The following WWOX variants were observed in gnomAD, a reference collection of about 807,000 sequenced individuals.
WWOX encodes WW domain containing oxidoreductase, also known as WW domain-containing oxidoreductase.
A neutral mutation model predicts 46.2 loss-of-function variants in WWOX; 69 were observed. The observed-to-expected ratio is 1.49, with a 90% confidence interval of 1.23 to 1.82. WWOX has a LOEUF of 1.82. WWOX is among the 40% of genes most tolerant of loss of function. The pLI is 0.00. For missense variants in WWOX, 919 were observed against 542.6 expected, an observed-to-expected ratio of 1.69 and a Z score of -6.89; for synonymous variants, 359 against 202.6, an observed-to-expected ratio of 1.77 and a Z score of -6.56.
At chr16:78,712,433 C>T (rs572924128) in intron 8 of WWOX, among the ~76,000 whole-genome samples, 5 of 151,174 alleles carry the variant, frequency 3.3e-5, no homozygotes, top group East Asian at 2.0e-4. Flanking sequence ...ACCCAGGAGG[C>T]GGAGGTTGCA....
chr16:78,575,037 AT>A (rs2044829497), intron 8 of WWOX, among the ~76,000 whole-genome samples: 1 of 2,556 alleles, frequency 3.9e-4, no homozygotes, highest in Non-Finnish European at 6.7e-4. Context: ...ATATATATAT[AT>A]ATATATATAT....
At chr16:78,701,495 C>G (rs557539151) in intron 8 of WWOX, among the ~76,000 whole-genome samples, 66 of 152,252 alleles carry the variant, frequency 4.3e-4, no homozygotes, top group African/African-American at 1.5e-3. Context: ...TCCCTTACCT[C>G]TCTCTACCTC....
chr16:78,396,784 A>G (rs895516677), intron 6 of WWOX, among the ~76,000 whole-genome samples: 1 of 152,226 alleles, frequency 6.6e-6, no homozygotes, highest in Admixed American at 6.5e-5. Context: ...TGTTGAATAC[A>G]TTGTTGAGTG....
chr16:78,856,262 C>T (rs990513437), intron 8 of WWOX, among the ~76,000 whole-genome samples: 6 of 152,150 alleles, frequency 3.9e-5, no homozygotes, highest in Non-Finnish European at 8.8e-5. Flanking sequence ...TGCAACAGGC[C>T]TGGACGTTGT....
intron 8 of WWOX, among the ~76,000 whole-genome samples, chr16:79,108,861 G>A (rs1320296014): frequency 2.6e-5 from 4 of 151,820 alleles, no homozygotes; most frequent in Non-Finnish European, 4.4e-5. Flanking sequence ...TGATCATGCC[G>A]CTGCACTCCA....
intron 8 of WWOX, among the ~76,000 whole-genome samples, chr16:78,461,711 A>T (rs1033163222): frequency 6.6e-6 from 1 of 152,240 alleles, no homozygotes; most frequent in Non-Finnish European, 1.5e-5. Flanking sequence ...CTGCAAGTCG[A>T]TTGGACATGC....
chr16:78,846,427 CATT>C (rs1207199232), intron 8 of WWOX, among the ~76,000 whole-genome samples: 1 of 152,024 alleles, frequency 6.6e-6, no homozygotes, highest in African/African-American at 2.4e-5. Context: ...GTTTCTCATG[CATT>C]ATTTTTTTTA....
intron 8 of WWOX, among the ~76,000 whole-genome samples, chr16:78,647,673 A>T (rs2046875884): frequency 6.6e-6 from 1 of 152,178 alleles, no homozygotes; most frequent in African/African-American, 2.4e-5. Flanking sequence ...TCAGACCATC[A>T]CCTTCTTATA....
At chr16:79,055,615 A>G (rs2048247815) in intron 8 of WWOX, among the ~76,000 whole-genome samples, 1 of 152,228 alleles carries the variant, frequency 6.6e-6, no homozygotes, top group Non-Finnish European at 1.5e-5. Context: ...ATTCATGGGC[A>G]GAATAAACAA....
chr16:79,013,747 G>A (rs113405610), intron 8 of WWOX, among the ~76,000 whole-genome samples: 3 of 152,218 alleles, frequency 2.0e-5, no homozygotes, highest in African/African-American at 7.2e-5. Flanking sequence ...AGCAATTGCA[G>A]GTTCATTTGT....
At chr16:78,269,054 G>A (rs2079424064) in intron 5 of WWOX, 1 of 152,174 alleles carries the variant, frequency 6.6e-6, no homozygotes, top group African/African-American at 2.4e-5. Flanking sequence ...CCCAGGTAGT[G>A]TACAGTGTGT....
chr16:78,903,128 T>G (rs2044871263), intron 8 of WWOX, among the ~76,000 whole-genome samples: 1 of 152,192 alleles, frequency 6.6e-6, no homozygotes, highest in Non-Finnish European at 1.5e-5. Context: ...AAGCAGCCAC[T>G]CAGGGGCCCT....
intron 8 of WWOX, among the ~76,000 whole-genome samples, chr16:78,447,327 A>G (rs1475558865): frequency 5.9e-5 from 9 of 152,238 alleles, no homozygotes; most frequent in Non-Finnish European, 2.9e-5. Flanking sequence ...TTTGCTATAA[A>G]TTAGTAAATC....
intron 8 of WWOX, among the ~76,000 whole-genome samples, chr16:78,829,028 C>A (rs1307174099): frequency 6.6e-6 from 1 of 152,136 alleles, no homozygotes; most frequent in East Asian, 1.9e-4. Context: ...GCCATTCCAC[C>A]CCATCATAAA....
chr16:78,671,850 C>G, intron 8 of WWOX, among the ~76,000 whole-genome samples: 1 of 152,052 alleles, frequency 6.6e-6, no homozygotes, highest in East Asian at 1.9e-4. Context: ...AAATACATGT[C>G]AATTAAATGG....
chr16:78,470,750 A>T (rs1306108994), intron 8 of WWOX, among the ~76,000 whole-genome samples: 1 of 152,112 alleles, frequency 6.6e-6, no homozygotes, highest in African/African-American at 2.4e-5. Flanking sequence ...GCTGGTCTTG[A>T]ACTCCTGACC....
chr16:78,510,045 AAG>A (rs1374558843), intron 8 of WWOX, among the ~76,000 whole-genome samples: 2 of 150,860 alleles, frequency 1.3e-5, no homozygotes, highest in African/African-American at 2.4e-5. Context: ...CTGGGCAACA[AAG>A]AGAGATCCTG....
At chr16:78,668,037 G>C (rs1395247348) in intron 8 of WWOX, among the ~76,000 whole-genome samples, 2 of 152,120 alleles carry the variant, frequency 1.3e-5, no homozygotes, top group African/African-American at 4.8e-5. Context: ...TTAGCATTTT[G>C]AGAGGCCGAG....
chr16:79,066,876 G>C (rs1182944867), intron 8 of WWOX, among the ~76,000 whole-genome samples: 1 of 152,188 alleles, frequency 6.6e-6, no homozygotes, highest in Non-Finnish European at 1.5e-5. Context: ...TTTCATTCCA[G>C]ACTACAGTAG....
Sources: gnomAD v4.1 joint callset for allele counts (sites outside exome capture counted in the v4.1 genomes callset) on GRCh38, gnomAD v4.1.1 for gene constraint, MANE v1.5 for transcripts, NCBI Gene and HGNC (gene_info 2026-07-23, HGNC 2026-07-21) for gene names.